ARHGAP24: variants seen among roughly 807,000 people sequenced by gnomAD.
ARHGAP24 encodes the protein Rho GTPase activating protein 24, also known as rho GTPase-activating protein 24.
Under a neutral mutation model 76.4 loss-of-function variants are expected in ARHGAP24, and 50 were observed. The observed-to-expected ratio is 0.65, with a 90% CI of 0.52 to 0.83. The LOEUF (loss-of-function observed/expected upper bound fraction) is 0.83. Ranked by LOEUF, ARHGAP24 falls within the 40% of genes least tolerant of loss-of-function variation. ARHGAP24 has a pLI of 0.00. For missense variants in ARHGAP24, 930 were observed against 914.2 expected (o/e 1.02, Z -0.22); for synonymous variants, 345 against 323.3 (o/e 1.07, Z -0.72).
At chr4:85,700,261 G>A (rs1316219482) in intron 2 of ARHGAP24, among the ~76,000 whole-genome samples, 1 of 152,020 alleles carries the variant, frequency 6.6e-6, no homozygotes, top group Non-Finnish European at 1.5e-5. Context: ...CAGGTGTAAG[G>A]ATGGGTGCCT....
At chr4:85,525,935 A>G (rs1415858911) in intron 1 of ARHGAP24, among the ~76,000 whole-genome samples, 1 of 152,098 alleles carries the variant, frequency 6.6e-6, no homozygotes, top group Non-Finnish European at 1.5e-5. Flanking sequence ...ATAGAATTAG[A>G]TACCTTTAGA....
At chr4:85,916,761 C>G (rs1481490594) in intron 3 of ARHGAP24, among the ~76,000 whole-genome samples, 1 of 152,132 alleles carries the variant, frequency 6.6e-6, no homozygotes, top group African/African-American at 2.4e-5. Flanking sequence ...GTCTTGGAAA[C>G]TAACTCAAAT....
chr4:85,672,516 A>G (rs1224683543), intron 2 of ARHGAP24, among the ~76,000 whole-genome samples: 1 of 152,154 alleles, frequency 6.6e-6, no homozygotes, highest in Non-Finnish European at 1.5e-5. Flanking sequence ...TTGGAGTTGC[A>G]CAGGCTGATC....
At position 85,974,962 on chromosome 4, in the gene ARHGAP24, G is replaced by GT; in HGVS notation, c.806+2dup. ...ACAACCTCCTCAAGTATATTTGCAG[G>GT]TAAGAACTGTCCTAAGGACAAACGT... is the stretch of plus-strand genomic sequence containing the variant. On this transcript the variant is annotated splice_donor_variant, in intron 7 of 9. Transcript: ENST00000395184. LOFTEE classifies it high-confidence loss of function. 6.2e-7 allele frequency: 1 copy of GT among 1,613,000 alleles called. No homozygotes were observed. Among genetic ancestry groups the GT allele is most frequent in the Non-Finnish European group, 8.5e-7 (1 of 1,179,224 alleles).
chr4:85,506,524 G>T (rs1724055265), intron 1 of ARHGAP24, among the ~76,000 whole-genome samples: 1 of 152,190 alleles, frequency 6.6e-6, no homozygotes, highest in South Asian at 2.1e-4. Context: ...AGTGAGCAAG[G>T]CTCTGTGGGC....
chr4:85,708,902 C>G (rs1219024235), intron 2 of ARHGAP24, among the ~76,000 whole-genome samples: 1 of 152,058 alleles, frequency 6.6e-6, no homozygotes, highest in Admixed American at 6.6e-5. Flanking sequence ...TTCCACATGC[C>G]TTATTTAATT....
At chr4:85,746,713 C>T (rs1301186743) in intron 3 of ARHGAP24, among the ~76,000 whole-genome samples, 2 of 152,000 alleles carry the variant, frequency 1.3e-5, no homozygotes, top group Non-Finnish European at 2.9e-5. Context: ...TGCAGTTGTG[C>T]GATCTCGGCT....
At chr4:85,741,388 A>G (rs1725821407) in intron 3 of ARHGAP24, among the ~76,000 whole-genome samples, 1 of 152,268 alleles carries the variant, frequency 6.6e-6, no homozygotes, top group South Asian at 2.1e-4. Flanking sequence ...AAATAAATAC[A>G]TAAACAGGGT....
chr4:85,991,703 G>A (rs1740336441), intron 8 of ARHGAP24: 1 of 154,042 alleles, frequency 6.5e-6, no homozygotes, highest in Non-Finnish European at 1.4e-5. Context: ...GTTACGGGCA[G>A]GGAACTGACT....
chr4:85,927,271 A>T (rs913010990), intron 4 of ARHGAP24, among the ~76,000 whole-genome samples: 4 of 152,220 alleles, frequency 2.6e-5, no homozygotes, highest in African/African-American at 9.6e-5. Context: ...TTCATATGAA[A>T]GTATAGAACA....
chr4:85,979,588 G>A (rs1316537136), intron 8 of ARHGAP24, among the ~76,000 whole-genome samples: 6 of 151,996 alleles, frequency 3.9e-5, no homozygotes, highest in Admixed American at 2.6e-4. Flanking sequence ...TGTTGTGACT[G>A]GCTTATTTCA....
At chr4:85,983,061 G>T (rs1475181527) in intron 8 of ARHGAP24, among the ~76,000 whole-genome samples, 1 of 152,066 alleles carries the variant, frequency 6.6e-6, no homozygotes, top group African/African-American at 2.4e-5. Context: ...GAGTATAATG[G>T]CTTCCAGCTC....
chr4:85,484,401 G>C (rs1210156511), intron 1 of ARHGAP24, among the ~76,000 whole-genome samples: 3 of 152,096 alleles, frequency 2.0e-5, no homozygotes, highest in Non-Finnish European at 4.4e-5. Context: ...AGGCAGATGG[G>C]AAATTGGAAA....
intron 1 of ARHGAP24, among the ~76,000 whole-genome samples, chr4:85,502,408 G>C (rs939177582): frequency 6.6e-6 from 1 of 152,114 alleles, no homozygotes; most frequent in African/African-American, 2.4e-5. Context: ...TTGAGCAGTG[G>C]TTTGTAGTTC....
intron 1 of ARHGAP24, among the ~76,000 whole-genome samples, chr4:85,565,238 C>T (rs998223532): frequency 6.6e-6 from 1 of 151,904 alleles, no homozygotes; most frequent in Admixed American, 6.6e-5. Context: ...TAAATATTGG[C>T]TCTCTGCAGT....
chr4:85,677,228 A>G (rs546645483), intron 2 of ARHGAP24, among the ~76,000 whole-genome samples: 173 of 152,306 alleles, frequency 1.1e-3, no homozygotes, highest in African/African-American at 3.9e-3. Context: ...CAACATCTTA[A>G]TGAGCTTTTA....
At chr4:85,563,642 T>C (rs1560534049) in intron 1 of ARHGAP24, among the ~76,000 whole-genome samples, 1 of 152,166 alleles carries the variant, frequency 6.6e-6, no homozygotes, top group Non-Finnish European at 1.5e-5. Context: ...ATTCAGTCCG[T>C]AACAACAAGT....
At chr4:85,785,977 A>G (rs1193115054) in intron 3 of ARHGAP24, among the ~76,000 whole-genome samples, 1 of 147,166 alleles carries the variant, frequency 6.8e-6, no homozygotes, top group Non-Finnish European at 1.5e-5. Context: ...CTCAGAGACC[A>G]CTACTACCTT....
rs1724965246 is a variant in ARHGAP24, at chr4:85,722,051, TC to T, written c.268+80del. 3 of 1,317,026 alleles carry T rather than the reference TC, an allele frequency of 2.3e-6. No homozygotes were observed. The East Asian group carries it at 7.1e-5, about 31-fold the overall frequency. The allele number at this position is 1,317,026 out of a possible 1,614,324, so 81.6% of individuals were successfully genotyped here. On this transcript the variant is annotated intron_variant, in intron 3 of 9. Coordinates refer to ENST00000395184, the MANE Select transcript of ARHGAP24 (RefSeq NM_001025616.3). Reference sequence around the variant, plus strand: ...TGAAGATGGGTCAGACAGGTTTCATTCTTTTTTGAATCATGACTGAGAACCT... The same window carrying T: ...TGAAGATGGGTCAGACAGGTTTCATTTTTTTTGAATCATGACTGAGAACCT...
Sources: allele counts gnomAD v4.1 joint callset (sites outside exome capture counted in the v4.1 genomes callset), GRCh38; gene constraint gnomAD v4.1.1; transcripts MANE v1.5; gene names NCBI Gene and HGNC (gene_info 2026-07-23, HGNC 2026-07-21).